Variants in LLGL2 observed in about 807,000 individuals in gnomAD.
LLGL2 encodes the protein LLGL2, scribble cell polarity complex component.
LLGL2 carries 81 observed loss-of-function variants against 123.2 expected under a neutral mutation model. The observed-to-expected ratio is 0.66, with a 90% CI of 0.55 to 0.79. LLGL2 has a LOEUF of 0.79. LLGL2 is among the 30% of genes least tolerant of loss of function. The pLI is 0.00. For missense variants in LLGL2, 1,273 were observed against 1,414.6 expected, an observed-to-expected ratio of 0.90 and a Z score of 1.61; for synonymous variants, 577 against 594.1, an observed-to-expected ratio of 0.97 and a Z score of 0.42.
chr17:75,569,188 G>T, intron 13 of LLGL2, 33 bp from the exon 14 acceptor site: 2 of 1,612,332 alleles, frequency 1.2e-6, no homozygotes, highest in East Asian at 2.2e-5. Context: ...TCCTGTCCCC[G>T]TGGCTGCTCA....
In LLGL2 at chr17:75,571,882, C is replaced by G. The variant is rs571119802; in HGVS notation, c.2294-16C>G. 6.2e-7 allele frequency: 1 copy of G among 1,610,896 alleles called. No individual in the cohort carries two copies. The highest frequency in any genetic ancestry group is 8.5e-7 in the Non-Finnish European group (1 of 1,179,824). ...CCACCCCCTCACCAGCCCCAACACCCACCTCCTCCCCCTAGCCAAGGAGAT... is the reference window on the plus strand; with the variant it reads ...CCACCCCCTCACCAGCCCCAACACCGACCTCCTCCCCCTAGCCAAGGAGAT... On this transcript the variant is annotated splice_polypyrimidine_tract_variant and intron_variant, in intron 18 of 25. Transcript: ENST00000392550.
chr17:75,527,371 C>T (rs2053610486), intron 1 of LLGL2, among the ~76,000 whole-genome samples: 1 of 152,118 alleles, frequency 6.6e-6, no homozygotes, highest in South Asian at 2.1e-4. Flanking sequence ...TCAGAGTTCA[C>T]TCCTTTCCTC....
intron 1 of LLGL2, among the ~76,000 whole-genome samples, chr17:75,534,392 C>T (rs952585766): frequency 2.0e-5 from 3 of 152,130 alleles, no homozygotes; most frequent in Admixed American, 1.3e-4. Context: ...ATCCAGCCTG[C>T]GAGCAGGCAG....
In LLGL2 at chr17:75,574,872, AGAGT is replaced by A. The variant is rs2055903493; in HGVS notation, c.3063_*3del. On this transcript the variant is annotated frameshift_variant and stop_lost and splice_region_variant, in exon 26 of 26. Transcript: ENST00000392550. LOFTEE classifies it high-confidence loss of function. ...GAGCTGTCCCTCTGTGTCCTTCAGC[AGAGT>A]GAGTGGCTGAGCGTCCAGGCTGCGC... The A allele has an allele frequency of 6.2e-7, 1 of 1,613,912 alleles. No homozygotes were observed. The highest frequency in any genetic ancestry group is 8.5e-7 in the Non-Finnish European group (1 of 1,179,962).
chr17:75,565,160 C>T (rs1038361966), intron 10 of LLGL2, among the ~76,000 whole-genome samples: 8 of 152,360 alleles, frequency 5.3e-5, no homozygotes, highest in Admixed American at 1.3e-4. Context: ...TGGCAAAGCC[C>T]GCCTTCTGGG....
rs773040901 is a variant in LLGL2, at chr17:75,563,794, C to G, written c.869C>G (p.Thr290Ser). 6.2e-7 allele frequency: 1 copy of G among 1,613,994 alleles called. No individual in the cohort carries two copies. The highest frequency in any genetic ancestry group is 8.5e-7 in the Non-Finnish European group (1 of 1,180,002). ...CKAITRILWL[T>S]TRQGLPFTIF... ...GCGATTACCAGAATCCTCTGGCTGA[C>G]CACTAGGCAGGGGTAGGTATCCATG... Residue 290 changes from threonine to serine, a missense_variant, in exon 9 of 26, where the codon ACC (threonine) becomes AGC (serine). Transcript: ENST00000392550.
Position 75,569,959 on chromosome 17 carries a change from G to T in LLGL2, c.1582-4G>T, listed in dbSNP as rs768343130. 1 of 1,581,904 alleles carries T rather than the reference G, an allele frequency of 6.3e-7. No homozygotes were observed. The highest frequency in any genetic ancestry group is 8.6e-7 in the Non-Finnish European group (1 of 1,160,566). ...CTTGCTGAGCCACCTGCCACCCTGC[G>T]CAGGTGCTGGTACTGGAACTGAATG... On this transcript the variant is annotated splice_polypyrimidine_tract_variant and splice_region_variant and intron_variant, in intron 14 of 25. Coordinates refer to ENST00000392550, the MANE Select transcript of LLGL2 (RefSeq NM_001031803.2).
rs1485709759 is a variant in LLGL2, at chr17:75,558,374, C to G, written c.255+138C>G. 8.7e-7 allele frequency: 1 copy of G among 1,145,132 alleles called. No homozygotes were observed. Among genetic ancestry groups the G allele is most frequent in the Middle Eastern group, 2.6e-4 (1 of 3,794 alleles). 70.9% of individuals were successfully genotyped at this position (1,145,132 alleles called of 1,614,324 possible). ...GATGGAAAGACCTGGGACCCCCTCC[C>G]TTTCCACAGCTGGGGCTCATGGGCC... On this transcript the variant is annotated intron_variant, in intron 4 of 25. Transcript: ENST00000392550. The surrounding 1 kb of genome is among the most constrained non-coding windows in gnomAD (Gnocchi z 4.0).
intron 2 of LLGL2, among the ~76,000 whole-genome samples, chr17:75,548,373 G>A (rs1370966581): frequency 6.6e-6 from 1 of 151,284 alleles, no homozygotes; most frequent in East Asian, 2.0e-4. Flanking sequence ...TGCCTCCCGG[G>A]TTCAAGGGAT....
chr17:75,529,945 G>A (rs751821358), intron 1 of LLGL2, among the ~76,000 whole-genome samples: 2 of 152,150 alleles, frequency 1.3e-5, no homozygotes, highest in East Asian at 3.9e-4. Context: ...TCTTTGCCGA[G>A]TCCTTGCTGT....
chr17:75,572,134 A>G (rs2055742123), intron 19 of LLGL2, 70 bp downstream of exon 19: 2 of 1,457,722 alleles, frequency 1.4e-6, no homozygotes, highest in African/African-American at 1.4e-5. Context: ...ACCTTGGGCA[A>G]AAATGATGGC....
chr17:75,571,737 G>T lies in LLGL2; in HGVS notation c.2247G>T (p.Val749=). The stretch of plus-strand genomic sequence containing the variant: ...CCATCTATGCCTTCTCCCTGCGTGT[G>T]CCTCCCGCCGAGCGGAGAATGGATG... ...GGTIYAFSLR[V]PPAERRMDEP... Residue 749 remains valine (V), a synonymous_variant, in exon 18 of 26, where the codon GTG becomes GTT. Coordinates refer to ENST00000392550, the MANE Select transcript of LLGL2 (RefSeq NM_001031803.2). The T allele has an allele frequency of 1.2e-6, 2 of 1,609,108 alleles. No homozygotes were observed.
Position 75,556,170 on chromosome 17 carries a change from C to G in LLGL2, c.173+27C>G, listed in dbSNP as rs201650903. ...TATCCTCCGTCCCCTCGCTCCCACTCGGGCAGGGCCTTGGGGTGGGTGAGA... is the reference window on the plus strand; with the variant it reads ...TATCCTCCGTCCCCTCGCTCCCACTGGGGCAGGGCCTTGGGGTGGGTGAGA... On this transcript the variant is annotated intron_variant, in intron 3 of 25. Coordinates refer to ENST00000392550, the MANE Select transcript of LLGL2 (RefSeq NM_001031803.2). 3.2e-6 allele frequency: 5 copies of G among 1,563,850 alleles called. No homozygotes were observed. In the South Asian group the frequency reaches 4.4e-5, roughly 14 times the overall value.
intron 1 of LLGL2, among the ~76,000 whole-genome samples, chr17:75,530,699 C>G (rs1178445646): frequency 1.3e-5 from 2 of 151,490 alleles, no homozygotes; most frequent in South Asian, 4.2e-4. Context: ...ACCTGTTGTC[C>G]CAATTACATG....
intron 2 of LLGL2, among the ~76,000 whole-genome samples, chr17:75,545,936 A>G (rs568292365): frequency 4.6e-4 from 70 of 152,260 alleles, no homozygotes; most frequent in African/African-American, 1.5e-3. Context: ...TGCGTTGTAG[A>G]TTATTTAGCA....
At chr17:75,563,591 G>A in intron 8 of LLGL2, 128 bp downstream of exon 8, 1 of 1,498,512 alleles carries the variant, frequency 6.7e-7, no homozygotes, top group Middle Eastern at 2.0e-4. Flanking sequence ...CACACAGCAG[G>A]GTTCGCCTCA....
chr17:75,559,195 C>A lies in LLGL2; in HGVS notation c.372-57C>A. ...TTCCGAGGAGTCAGGGGACCCCGTC[C>A]ATGGCATCTCCCCTGCTGGGCAGTG... is the stretch of plus-strand genomic sequence containing the variant. On this transcript the variant is annotated intron_variant, in intron 5 of 25. Coordinates refer to ENST00000392550, the MANE Select transcript of LLGL2 (RefSeq NM_001031803.2). This position sits in a 1 kb window ranked among gnomAD's most constrained non-coding sequence, Gnocchi z 4.6. 5 of 1,507,362 alleles carry A rather than the reference C, an allele frequency of 3.3e-6. No individual in the cohort carries two copies. The highest frequency in any genetic ancestry group is 2.3e-5 in the Admixed American group (1 of 44,382). The allele number at this position is 1,507,362 out of a possible 1,614,324, so 93.4% of individuals were successfully genotyped here. A position where few individuals can be genotyped will look rare whatever the true frequency, so the allele number is the denominator to read the frequency against.
chr17:75,573,935 T>C lies in LLGL2; in HGVS notation c.2877-17T>C. 6.4e-7 allele frequency: 1 copy of C among 1,550,604 alleles called. No individual in the cohort carries two copies. The highest frequency in any genetic ancestry group is 8.7e-7 in the Non-Finnish European group (1 of 1,146,906). On this transcript the variant is annotated splice_polypyrimidine_tract_variant and intron_variant, in intron 21 of 25. Coordinates refer to ENST00000392550, the MANE Select transcript of LLGL2 (RefSeq NM_001031803.2). ...GGAGCCCGGGGGCCCTGGTCCTCAC[T>C]GTCTCTTCCCCCACAGGAACTCAGG...
intron 1 of LLGL2, among the ~76,000 whole-genome samples, chr17:75,536,789 A>T (rs1398180602): frequency 6.6e-6 from 1 of 152,208 alleles, no homozygotes; most frequent in East Asian, 1.9e-4. Flanking sequence ...TTGTACATAT[A>T]GTCCCATGCC....
Sources: allele counts gnomAD v4.1 joint callset (sites outside exome capture counted in the v4.1 genomes callset), GRCh38; gene constraint gnomAD v4.1.1; non-coding constraint Gnocchi (gnomAD v3.1); transcripts MANE v1.5; gene names NCBI Gene and HGNC (gene_info 2026-07-23, HGNC 2026-07-21).